The following MYLIP variants were observed in gnomAD, a reference collection of about 807,000 sequenced individuals.
MYLIP encodes myosin regulatory light chain interacting protein.
In MYLIP, 26 loss-of-function variants were observed where a neutral mutation model predicts 45.8. That is an observed-to-expected ratio of 0.57 (90% CI 0.42 to 0.79). The LOEUF is 0.79. MYLIP is among the 30% of genes least tolerant of loss of function. The probability of loss-of-function intolerance (pLI) is 0.00; values close to 1 mark genes in which losing one functional copy is unlikely to be tolerated. For missense variants in MYLIP, 494 were observed against 555.6 expected (o/e 0.89, Z 1.11); for synonymous variants, 213 against 218.1 (o/e 0.98, Z 0.21).
intron 2 of MYLIP, among the ~76,000 whole-genome samples, chr6:16,138,939 T>A (rs1200368247): frequency 6.6e-6 from 1 of 152,172 alleles, no homozygotes; most frequent in South Asian, 2.1e-4. Context: ...GAAGGATCAG[T>A]GGTGCTCTCA....
At chr6:16,132,745 T>A (rs1315542207) in intron 2 of MYLIP, among the ~76,000 whole-genome samples, 1 of 152,230 alleles carries the variant, frequency 6.6e-6, no homozygotes, top group Admixed American at 6.5e-5. Context: ...AGAACAAAAA[T>A]ATGTATGTTT....
intron 2 of MYLIP, among the ~76,000 whole-genome samples, chr6:16,131,029 GAA>G (rs11394742): frequency 0.31 from 35,410 of 115,014 alleles, 5,236 homozygotes; most frequent in East Asian, 0.57. Flanking sequence ...GCTACCCCAG[GAA>G]AAAAAAAAAA....
intron 2 of MYLIP, among the ~76,000 whole-genome samples, chr6:16,139,992 T>C (rs1379099575): frequency 1.3e-5 from 2 of 152,352 alleles, no homozygotes; most frequent in East Asian, 3.9e-4. Context: ...CCAGACATTG[T>C]AGACTCTCAG....
intron 3 of MYLIP, among the ~76,000 whole-genome samples, chr6:16,142,268 T>C (rs1327828496): frequency 6.6e-6 from 1 of 152,260 alleles, no homozygotes; most frequent in East Asian, 1.9e-4. Flanking sequence ...AGCCTTTTAT[T>C]TGAAAAATAT....
chr6:16,152,586 C>A (rs139567717), downstream of MYLIP, among the ~76,000 whole-genome samples: 6 of 152,248 alleles, frequency 3.9e-5, no homozygotes, highest in Admixed American at 3.9e-4. Flanking sequence ...GTTGAGAAAC[C>A]CTGGGCTGCA....
chr6:16,143,934 A>G (rs924550725), intron 5 of MYLIP, 71 bp downstream of exon 5: 2 of 1,520,452 alleles, frequency 1.3e-6, no homozygotes, highest in East Asian at 2.3e-5. Flanking sequence ...CCAGGTTTCT[A>G]CGGTTCCTTG....
chr6:16,140,762 G>A (rs556914480), intron 2 of MYLIP, among the ~76,000 whole-genome samples: 3 of 152,272 alleles, frequency 2.0e-5, no homozygotes, highest in South Asian at 2.1e-4. Flanking sequence ...GCCAGATGGC[G>A]GAGACTCCTC....
intron 2 of MYLIP, among the ~76,000 whole-genome samples, chr6:16,131,029 G>GAAAAAAAAAAA (rs11394742): frequency 2.7e-4 from 31 of 115,240 alleles, no homozygotes; most frequent in African/African-American, 1.0e-3. Context: ...GCTACCCCAG[G>GAAAAAAAAAAA]AAAAAAAAAA....
At chr6:16,157,380 A>G in the MYLIP span, among the ~76,000 whole-genome samples, 8 of 152,262 alleles carry the variant, frequency 5.3e-5, no homozygotes, top group Non-Finnish European at 1.2e-4. Flanking sequence ...CTAGATTACA[A>G]TAGTTCCTTC....
the MYLIP span, chr6:16,163,411 C>T: frequency 6.6e-6 from 1 of 152,210 alleles, no homozygotes; most frequent in African/African-American, 2.4e-5. Context: ...ACCCATAGAG[C>T]TACTTGTACC....
the MYLIP span, among the ~76,000 whole-genome samples, chr6:16,155,658 C>T: frequency 6.6e-5 from 10 of 152,148 alleles, no homozygotes; most frequent in Middle Eastern, 3.2e-3. Flanking sequence ...TCCACTCACT[C>T]GAACCCATTG....
At chr6:16,137,832 A>C (rs1759586681) in intron 2 of MYLIP, among the ~76,000 whole-genome samples, 1 of 152,162 alleles carries the variant, frequency 6.6e-6, no homozygotes, top group South Asian at 2.1e-4. Flanking sequence ...TATAGTAAGA[A>C]TATGTGATTC....
At position 16,129,093 on chromosome 6, in the gene MYLIP, C is replaced by T; in HGVS notation, c.-230C>T. On this transcript the variant is annotated 5_prime_UTR_variant, in exon 1 of 7. Coordinates refer to ENST00000356840, the MANE Select transcript of MYLIP (RefSeq NM_013262.4). The surrounding 1 kb of genome is among the most constrained non-coding windows in gnomAD (Gnocchi z 5.1). ...CCCTGTCGCAGCGCAGGCAGTTGGG[C>T]TGCTGGAGTGCGGCGCCACCGCGGA... The T allele has an allele frequency of 1.8e-6, 1 of 546,506 alleles. No homozygotes were observed. The highest frequency in any genetic ancestry group is 2.2e-5 in the South Asian group (1 of 45,498). 33.9% of individuals were successfully genotyped at this position (546,506 alleles called of 1,614,324 possible).
At chr6:16,151,515 G>A (rs1329572570), downstream of MYLIP, among the ~76,000 whole-genome samples, 2 of 152,126 alleles carry the variant, frequency 1.3e-5, no homozygotes, top group African/African-American at 4.8e-5. Context: ...CAAGCAATGG[G>A]GAAAAGTACC....
At chr6:16,156,310 G>A in the MYLIP span, among the ~76,000 whole-genome samples, 5 of 152,294 alleles carry the variant, frequency 3.3e-5, no homozygotes, top group South Asian at 4.2e-4. Context: ...CCAGGGACCC[G>A]ACCTCTTCTG....
intron 1 of MYLIP, among the ~76,000 whole-genome samples, chr6:16,130,303 AC>A (rs1759432328): frequency 6.6e-6 from 1 of 152,136 alleles, no homozygotes; most frequent in Non-Finnish European, 1.5e-5. Context: ...TTGGAAGGCT[AC>A]TTTTGAGGAC....
At chr6:16,156,784 C>T in the MYLIP span, among the ~76,000 whole-genome samples, 3 of 152,134 alleles carry the variant, frequency 2.0e-5, no homozygotes, top group Admixed American at 6.5e-5. Flanking sequence ...ATGACAATGC[C>T]ACCTGTTACC....
chr6:16,160,261 C>G, the MYLIP span, among the ~76,000 whole-genome samples: 12 of 152,236 alleles, frequency 7.9e-5, no homozygotes, highest in African/African-American at 2.4e-4. Context: ...TATTACTGTG[C>G]GCAAATTAAG....
chr6:16,131,389 C>T (rs1172337226), intron 2 of MYLIP, among the ~76,000 whole-genome samples: 1 of 152,196 alleles, frequency 6.6e-6, no homozygotes, highest in Non-Finnish European at 1.5e-5. Context: ...TATCTCTCTA[C>T]GTTGTAAAAC....
Sources: allele counts gnomAD v4.1 joint callset (sites outside exome capture counted in the v4.1 genomes callset), GRCh38; gene constraint gnomAD v4.1.1; non-coding constraint Gnocchi (gnomAD v3.1); transcripts MANE v1.5; gene names NCBI Gene and HGNC (gene_info 2026-07-23, HGNC 2026-07-21).